The following MALRD1 variants were observed in gnomAD, a reference collection of about 807,000 sequenced individuals.
The protein encoded by MALRD1 is MAM and LDL receptor class A domain containing 1.
A neutral mutation model predicts 242.1 loss-of-function variants in MALRD1; 247 were observed. The ratio of observed to expected loss-of-function variants is 1.02; its 90% CI spans 0.92 to 1.13. The LOEUF is 1.13. Ranked by LOEUF, MALRD1 falls within the 50% of genes most tolerant of loss-of-function variation. The pLI, the probability that MALRD1 is intolerant of heterozygous loss-of-function variation, is 0.00. For missense variants in MALRD1, 2,989 were observed against 2,533.1 expected (o/e 1.18, Z -3.86); for synonymous variants, 995 against 866.6 (o/e 1.15, Z -2.60).
At chr10:19,672,115 A>G (rs1842456519) in intron 36 of MALRD1, among the ~76,000 whole-genome samples, 1 of 152,044 alleles carries the variant, frequency 6.6e-6, no homozygotes. Context: ...TATTCCAGAG[A>G]GTCCACATCT....
intron 1 of MALRD1, among the ~76,000 whole-genome samples, chr10:19,054,116 A>C (rs1834593802): frequency 6.6e-6 from 1 of 152,136 alleles, no homozygotes; most frequent in South Asian, 2.1e-4. Flanking sequence ...TTTTTAAAAA[A>C]ATTTTTAAAT....
intron 14 of MALRD1, among the ~76,000 whole-genome samples, chr10:19,175,686 A>G (rs948659796): frequency 6.6e-6 from 1 of 152,010 alleles, no homozygotes; most frequent in African/African-American, 2.4e-5. Flanking sequence ...TCAAATGAGC[A>G]TGTAATAATA....
At chr10:19,333,021 C>A (rs1039021942) in intron 24 of MALRD1, among the ~76,000 whole-genome samples, 2 of 152,100 alleles carry the variant, frequency 1.3e-5, no homozygotes, top group African/African-American at 4.8e-5. Context: ...TAGCCCCCTA[C>A]CCTCTGACAG....
At chr10:19,068,248 C>A (rs1019093622) in intron 2 of MALRD1, among the ~76,000 whole-genome samples, 3 of 152,006 alleles carry the variant, frequency 2.0e-5, no homozygotes, top group Non-Finnish European at 4.4e-5. Context: ...AGTTAAATAG[C>A]TTCAGAAGAC....
At chr10:19,582,506 C>G (rs1837181693) in intron 33 of MALRD1, among the ~76,000 whole-genome samples, 1 of 135,022 alleles carries the variant, frequency 7.4e-6, no homozygotes, top group South Asian at 2.4e-4. Context: ...TTGTTTTTGT[C>G]AGGTTTGTCA....
rs1250910390 is a variant in MALRD1, at chr10:19,655,530, G to GTGTA, written c.6138-36751_6138-36750insGTAT. Reference sequence around the variant, plus strand: ...TGTGTGTACATATATATGTGTGAGTGTATATATATATATATATATATATAT... The same window carrying GTGTA: ...TGTGTGTACATATATATGTGTGAGTGTGTATATATATATATATATATATATATAT... On this transcript the variant is annotated intron_variant, in intron 36 of 39. Coordinates refer to ENST00000454679, the MANE Select transcript of MALRD1 (RefSeq NM_001142308.3). Among the ~76,000 whole-genome samples, 21 of 108,824 alleles carry GTGTA rather than the reference G, an allele frequency of 1.9e-4. 1 individual carries two copies. The highest frequency in any genetic ancestry group is 3.1e-4 in the South Asian group (1 of 3,212). The allele number at this position is 108,824 out of a possible 152,430, so 71.4% of individuals were successfully genotyped here.
At chr10:19,618,371 A>G (rs1160346400) in intron 36 of MALRD1, among the ~76,000 whole-genome samples, 5 of 152,048 alleles carry the variant, frequency 3.3e-5, no homozygotes, top group Non-Finnish European at 5.9e-5. Flanking sequence ...GCTGGGTCCA[A>G]TGGTAGTTCT....
intron 34 of MALRD1, among the ~76,000 whole-genome samples, chr10:19,597,913 G>C (rs1413931443): frequency 6.6e-6 from 1 of 152,204 alleles, no homozygotes; most frequent in African/African-American, 2.4e-5. Context: ...GTGAAGTGAA[G>C]ATTGTTGCAG....
At chr10:19,609,057 C>T (rs557151118) in intron 35 of MALRD1, among the ~76,000 whole-genome samples, 1 of 151,954 alleles carries the variant, frequency 6.6e-6, no homozygotes. Flanking sequence ...CCTATAGGAG[C>T]ACAAATATAA....
At chr10:19,435,332 G>T (rs1358325956) in intron 28 of MALRD1, among the ~76,000 whole-genome samples, 2 of 151,886 alleles carry the variant, frequency 1.3e-5, no homozygotes, top group Non-Finnish European at 2.9e-5. Flanking sequence ...TAGTACATTT[G>T]TCACAATTGA....
chr10:19,249,087 A>T (rs1342290141), intron 18 of MALRD1, among the ~76,000 whole-genome samples: 1 of 150,106 alleles, frequency 6.7e-6, no homozygotes, highest in East Asian at 2.0e-4. Flanking sequence ...ATGCACATAC[A>T]CATATATGTG....
intron 28 of MALRD1, among the ~76,000 whole-genome samples, chr10:19,446,551 G>A (rs1834992734): frequency 6.6e-6 from 1 of 152,110 alleles, no homozygotes; most frequent in African/African-American, 2.4e-5. Flanking sequence ...ATTTGAAGTG[G>A]TTCTGTCTTT....
chr10:19,402,328 TA>T (rs1171384160), intron 28 of MALRD1, among the ~76,000 whole-genome samples: 1 of 152,150 alleles, frequency 6.6e-6, no homozygotes, highest in African/African-American at 2.4e-5. Context: ...TGAATTGTAA[TA>T]ATCCCCATGT....
Position 19,322,026 on chromosome 10 carries a change from G to A in MALRD1, c.3420-1923G>A, listed in dbSNP as rs547304116. Among the ~76,000 whole-genome samples the A allele has an allele frequency of 2.6e-5, 4 of 152,264 alleles. No individual in the cohort carries two copies. The South Asian group carries it at 8.3e-4, about 32-fold the overall frequency. ...AATTGGAGAGGCATGGACAATTCAA[G>A]CTATATCTCATAAGTAGAACTCAAT... On this transcript the variant is annotated intron_variant, in intron 21 of 39. Coordinates refer to ENST00000454679, the MANE Select transcript of MALRD1 (RefSeq NM_001142308.3).
At chr10:19,053,335 T>C (rs537010078) in intron 1 of MALRD1, among the ~76,000 whole-genome samples, 29 of 152,310 alleles carry the variant, frequency 1.9e-4, no homozygotes, top group African/African-American at 6.3e-4. Context: ...TTGCAATCCA[T>C]TGGGGTCTAG....
intron 28 of MALRD1, among the ~76,000 whole-genome samples, chr10:19,427,578 A>C (rs968217961): frequency 6.6e-6 from 1 of 152,102 alleles, no homozygotes; most frequent in Non-Finnish European, 1.5e-5. Flanking sequence ...AAATTCAAAC[A>C]AATCTGGGTT....
chr10:19,171,827 TACATATATAC>T (rs1334157388), intron 13 of MALRD1, among the ~76,000 whole-genome samples: 15 of 144,036 alleles, frequency 1.0e-4, no homozygotes, highest in African/African-American at 2.0e-4. Flanking sequence ...GTTATATATA[TACATATATAC>T]ACATATATAC....
chr10:19,215,471 A>G (rs1054864353), intron 18 of MALRD1, among the ~76,000 whole-genome samples: 9 of 152,190 alleles, frequency 5.9e-5, no homozygotes, highest in African/African-American at 2.2e-4. Flanking sequence ...CTTCCACATC[A>G]TCTCGTTTCT....
intron 8 of MALRD1, among the ~76,000 whole-genome samples, chr10:19,129,902 A>G (rs890201891): frequency 6.7e-6 from 1 of 150,316 alleles, no homozygotes; most frequent in African/African-American, 2.4e-5. Context: ...TATGGATGTC[A>G]TATATATATC....
Sources: gnomAD v4.1 joint callset for allele counts (sites outside exome capture counted in the v4.1 genomes callset) on GRCh38, gnomAD v4.1.1 for gene constraint, MANE v1.5 for transcripts, NCBI Gene and HGNC (gene_info 2026-07-23, HGNC 2026-07-21) for gene names.